GPR158: variants seen among roughly 807,000 people sequenced by gnomAD.
The protein encoded by GPR158 is G protein-coupled receptor 158, also known as metabotropic glycine receptor.
In GPR158, 30 loss-of-function variants were observed where a neutral mutation model predicts 78.2. The observed-to-expected ratio is 0.38, with a 90% CI of 0.29 to 0.52. The LOEUF (loss-of-function observed/expected upper bound fraction) is 0.52. GPR158 is among the 20% of genes least tolerant of loss of function. GPR158 has a pLI of 0.83. For synonymous variants in GPR158, 581 were observed against 591.1 expected (o/e 0.98, Z 0.25); for missense variants, 1,463 against 1,523.5 (o/e 0.96, Z 0.66).
Position 25,175,779 on chromosome 10 carries a change from C to G in GPR158, c.359C>G (p.Pro120Arg). The part of the protein sequence containing the change: ...GKWPALASAH[P>R]SLHRALDTLT... ...TGGCCAGCCCTGGCCAGCGCGCACC[C>G]CTCCTTGCACCGGGCGCTGGACACA... is the stretch of plus-strand genomic sequence containing the variant. Residue 120 changes from proline to arginine, a missense_variant, in exon 1 of 11, where the codon CCC becomes CGC. Pro to Arg is a moderately radical substitution (Grantham distance 103). Coordinates refer to ENST00000376351, the MANE Select transcript of GPR158 (RefSeq NM_020752.3). The surrounding 1 kb of genome is among the most constrained non-coding windows in gnomAD (Gnocchi z 6.4). 2 of 1,611,330 alleles carry G rather than the reference C, an allele frequency of 1.2e-6. No homozygotes were observed. The highest frequency in any genetic ancestry group is 1.7e-6 in the Non-Finnish European group (2 of 1,179,956).
intron 5 of GPR158, among the ~76,000 whole-genome samples, chr10:25,550,750 C>G (rs527807205): frequency 6.6e-6 from 1 of 151,962 alleles, no homozygotes; most frequent in Non-Finnish European, 1.5e-5. Context: ...ATCCCTCCCC[C>G]CAAAGTTAGA....
intron 2 of GPR158, among the ~76,000 whole-genome samples, chr10:25,300,504 A>C (rs376930239): frequency 1.2e-4 from 18 of 152,230 alleles, no homozygotes; most frequent in African/African-American, 3.9e-4. Flanking sequence ...AGTAACATTT[A>C]CAGATTCTGG....
intron 5 of GPR158, among the ~76,000 whole-genome samples, chr10:25,493,233 A>C (rs1835835006): frequency 6.6e-6 from 1 of 152,172 alleles, no homozygotes; most frequent in Admixed American, 6.6e-5. Flanking sequence ...GCCTGCTTCA[A>C]CACAATTGCA....
intron 5 of GPR158, among the ~76,000 whole-genome samples, chr10:25,481,300 C>T (rs915344550): frequency 3.3e-5 from 5 of 152,048 alleles, no homozygotes; most frequent in African/African-American, 4.8e-5. Flanking sequence ...ATGGTGTGGC[C>T]GCTGCACGCC....
intron 2 of GPR158, among the ~76,000 whole-genome samples, chr10:25,252,841 C>T (rs1379615571): frequency 6.6e-6 from 1 of 151,578 alleles, no homozygotes; most frequent in Non-Finnish European, 1.5e-5. Flanking sequence ...GTGGGCTCCA[C>T]CCAGTTCGAG....
chr10:25,359,479 A>C (rs1478411828), intron 2 of GPR158, among the ~76,000 whole-genome samples: 1 of 151,050 alleles, frequency 6.6e-6, no homozygotes, highest in African/African-American at 2.4e-5. Flanking sequence ...TCATTGTTCA[A>C]CTCCCACTTA....
intron 5 of GPR158, among the ~76,000 whole-genome samples, chr10:25,480,533 T>C (rs1161020452): frequency 7.5e-6 from 1 of 133,188 alleles, no homozygotes; most frequent in Non-Finnish European, 1.7e-5. Context: ...TGTTATACTT[T>C]GTTTCTATGA....
intron 1 of GPR158, among the ~76,000 whole-genome samples, chr10:25,209,751 G>C (rs1853102010): frequency 6.6e-6 from 1 of 152,104 alleles, no homozygotes; most frequent in Admixed American, 6.5e-5. Flanking sequence ...TTGTGTTAGA[G>C]GAAAAGTTAG....
In GPR158 at chr10:25,181,982, T is replaced by A. The variant is rs182114093; in HGVS notation, c.902+5660T>A. ...ATCCACCTGCCTCAGCTTCCCAAAG[T>A]GTTGAGATTACAGGTGTGAGCCATC... On this transcript the variant is annotated intron_variant, in intron 1 of 10. Transcript: ENST00000376351. Among the ~76,000 whole-genome samples the A allele has an allele frequency of 3.7e-3, 557 of 152,190 alleles. 1 individual carries two copies. The highest frequency in any genetic ancestry group is 6.5e-3 in the Admixed American group (100 of 15,296).
rs572159666 is a variant in GPR158 at position 25,418,630 on chromosome 10, C to T, written c.1335+6157C>T. Among the ~76,000 whole-genome samples the T allele has an allele frequency of 6.7e-5, 10 of 149,536 alleles. No homozygotes were observed. The South Asian group carries it at 2.2e-3, about 33-fold the overall frequency. Reference sequence around the variant, plus strand: ...TTATGACAAGTAACATTTTTCTATTCGTGATCTCAAAGAGAGAGTATGGTT... The same window carrying T: ...TTATGACAAGTAACATTTTTCTATTTGTGATCTCAAAGAGAGAGTATGGTT... On this transcript the variant is annotated intron_variant, in intron 4 of 10. Coordinates refer to ENST00000376351, the MANE Select transcript of GPR158 (RefSeq NM_020752.3).
chr10:25,380,156 T>G (rs535312975), intron 2 of GPR158, among the ~76,000 whole-genome samples: 2 of 152,124 alleles, frequency 1.3e-5, no homozygotes, highest in Non-Finnish European at 2.9e-5. Flanking sequence ...TTGGGAACAT[T>G]GCAGTGAAGA....
At chr10:25,519,888 T>G (rs1836235434) in intron 5 of GPR158, among the ~76,000 whole-genome samples, 1 of 64,960 alleles carries the variant, frequency 1.5e-5, no homozygotes, top group Admixed American at 1.8e-4. Context: ...CTTTGTGGCG[T>G]TCTCTGTATT....
intron 3 of GPR158, among the ~76,000 whole-genome samples, chr10:25,409,517 T>C (rs558119967): frequency 2.2e-4 from 34 of 152,306 alleles, no homozygotes; most frequent in African/African-American, 7.9e-4. Flanking sequence ...GGCTGCCACA[T>C]TTTTTCTACT....
chr10:25,492,413 C>CT (rs139421827), intron 5 of GPR158, among the ~76,000 whole-genome samples: 12,453 of 150,502 alleles, frequency 0.083, 1,514 homozygotes, highest in African/African-American at 0.27. Flanking sequence ...TTTTCTTTTT[C>CT]TTTTTTTTTG....
rs533478614 is a variant in GPR158, at chr10:25,545,357, C to G, written c.1405-5619C>G. 3.9e-5 allele frequency among the ~76,000 whole-genome samples: 6 copies of G among 152,326 alleles called. No individual in the cohort carries two copies. The East Asian group carries it at 9.6e-4, about 24-fold the overall frequency. ...AAGCATCCCTGTTTCTCCACATCCT[C>G]TCCAGGATCTGTTGTTTCCTGACTT... On this transcript the variant is annotated intron_variant, in intron 5 of 10. Coordinates refer to ENST00000376351, the MANE Select transcript of GPR158 (RefSeq NM_020752.3).
chr10:25,313,817 T>C (rs7900231), intron 2 of GPR158, among the ~76,000 whole-genome samples: 1 of 152,016 alleles, frequency 6.6e-6, no homozygotes, highest in Non-Finnish European at 1.5e-5. Context: ...CTCTTTACTG[T>C]TTTGCACTTT....
chr10:25,207,262 G>A (rs1384061558), intron 1 of GPR158, among the ~76,000 whole-genome samples: 4 of 152,132 alleles, frequency 2.6e-5, no homozygotes. Flanking sequence ...ATGGCAGATT[G>A]CTTCTCCCAA....
intron 5 of GPR158, among the ~76,000 whole-genome samples, chr10:25,525,682 T>C (rs1836337373): frequency 6.6e-6 from 1 of 152,248 alleles, no homozygotes; most frequent in African/African-American, 2.4e-5. Context: ...GAATGACTGC[T>C]AATCATTATG....
rs186381801 is a variant in GPR158, at chr10:25,355,375, A to C, written c.1009-40536A>C. 5.4e-4 allele frequency among the ~76,000 whole-genome samples: 82 copies of C among 152,188 alleles called. 1 individual carries two copies. The highest frequency in any genetic ancestry group is 4.9e-4 in the Non-Finnish European group (33 of 67,986). The stretch of plus-strand genomic sequence containing the variant: ...TTTTAAGGTATCTGTTTGATTTTTA[A>C]AAATTATTTAAATCTCATTGTTAAA... On this transcript the variant is annotated intron_variant, in intron 2 of 10. Coordinates refer to ENST00000376351, the MANE Select transcript of GPR158 (RefSeq NM_020752.3).
Sources: allele counts gnomAD v4.1 joint callset (sites outside exome capture counted in the v4.1 genomes callset), GRCh38; gene constraint gnomAD v4.1.1; non-coding constraint Gnocchi (gnomAD v3.1); transcripts MANE v1.5; gene names NCBI Gene and HGNC (gene_info 2026-07-23, HGNC 2026-07-21).